Variants in NAV3 observed in about 807,000 individuals in gnomAD.
NAV3 encodes the protein pore membrane and/or filament interacting like protein 1.
Under a neutral mutation model 244.7 loss-of-function variants are expected in NAV3, and 87 were observed. The ratio of observed to expected loss-of-function variants is 0.36; its 90% CI spans 0.30 to 0.42. The LOEUF is 0.42. NAV3 is among the 20% of genes least tolerant of loss of function. The pLI is 1.00. For missense variants in NAV3, 2,663 were observed against 2,893.3 expected (o/e 0.92, Z 1.83); for synonymous variants, 1,126 against 1,042.2 (o/e 1.08, Z -1.55).
chr12:77,998,535 C>G, intron 7 of NAV3, 59 bp downstream of exon 7: 1 of 1,485,158 alleles, frequency 6.7e-7, no homozygotes, highest in South Asian at 1.4e-5. Flanking sequence ...GAATTGCATG[C>G]TAAATCTAAT....
chr12:77,691,129 G>A (rs1002838023), intron 2 of NAV3, among the ~76,000 whole-genome samples: 5 of 150,262 alleles, frequency 3.3e-5, no homozygotes, highest in Admixed American at 6.7e-5. Flanking sequence ...AGGTAACTAC[G>A]AAAATTATAA....
intron 38 of NAV3, 55 bp downstream of exon 38, chr12:78,200,646 A>T (rs1959563981): frequency 3.6e-6 from 4 of 1,113,722 alleles, no homozygotes; most frequent in Non-Finnish European, 5.0e-6. Context: ...AGCAAAAAAA[A>T]TTACTTTAAA....
intron 19 of NAV3, 143 bp from the exon 20 acceptor site, chr12:78,140,139 T>C: frequency 3.0e-6 from 2 of 669,566 alleles, no homozygotes; most frequent in Non-Finnish European, 5.1e-6. Context: ...CAAAAAATTA[T>C]AGCAGGCTGG....
At position 78,007,451 on chromosome 12, in the gene NAV3, G is replaced by T. The variant is rs1874432764; in HGVS notation, c.1907+6G>T. ...GTGGCACCATTCATTTACAGGTAAG[G>T]TGGCCTCTGTTTATCCACAGTTGTA... is the stretch of plus-strand genomic sequence containing the variant. On this transcript the variant is annotated splice_donor_region_variant and intron_variant, in intron 8 of 39. Transcript: ENST00000397909. 1 of 1,610,100 alleles carries T rather than the reference G, an allele frequency of 6.2e-7. No homozygotes were observed. Among genetic ancestry groups the T allele is most frequent in the East Asian group, 2.2e-5 (1 of 44,822 alleles).
intron 23 of NAV3, among the ~76,000 whole-genome samples, chr12:78,161,260 G>A (rs1338865726): frequency 6.6e-6 from 1 of 152,038 alleles, no homozygotes; most frequent in Non-Finnish European, 1.5e-5. Flanking sequence ...CATGTCACAT[G>A]CTAGGGGCTA....
rs138139728 is a variant in NAV3, at chr12:77,610,741, A to G, written c.72+38475A>G. ...TGTCCCCACAGCACTGAAAGAAGCAAAGTTCTGCTGAGTAGGCTGCAAATG... is the reference window on the plus strand; with the variant it reads ...TGTCCCCACAGCACTGAAAGAAGCAGAGTTCTGCTGAGTAGGCTGCAAATG... On this transcript the variant is annotated intron_variant, in intron 2 of 8. Transcript: ENST00000550042. Among the ~76,000 whole-genome samples, 379 of 152,134 alleles carry G rather than the reference A, an allele frequency of 2.5e-3. 4 individuals carry two copies. Among genetic ancestry groups the G allele is most frequent in the Admixed American group, 0.015 (222 of 15,234 alleles).
chr12:77,943,546 C>G (rs915577572), intron 3 of NAV3, among the ~76,000 whole-genome samples: 1 of 152,118 alleles, frequency 6.6e-6, no homozygotes, highest in Non-Finnish European at 1.5e-5. Context: ...TTTGTGTAAG[C>G]ACTATTAGTG....
At position 78,180,937 on chromosome 12, in the gene NAV3, C is replaced by A. The variant is rs757847311; in HGVS notation, c.5584C>A (p.Pro1862Thr). The change falls in exon 30 of 40, where the codon CCT becomes ACT. Residue 1862 changes from proline (P) to threonine (T), a missense_variant. Pro to Thr is a conservative substitution (Grantham distance 38). Around this residue, in one of 6 missense-constraint regions of NAV3, gnomAD observed 543 missense variants for 672.4 expected, o/e 0.81. Transcript: ENST00000397909. ...GGCAGAAACTGGTAACACAGCTAAG[C>A]CTACTCGGCCACCGTCAGAATCCTC... ...LKAETGNTAK[P>T]TRPPSESSSS... 6.2e-7 allele frequency: 1 copy of A among 1,613,048 alleles called. No individual in the cohort carries two copies. The highest frequency in any genetic ancestry group is 1.3e-5 in the African/African-American group (1 of 74,836).
chr12:78,168,858 C>T lies in NAV3; in HGVS notation c.4973C>T (p.Pro1658Leu), dbSNP rs773027090. The change falls in exon 24 of 40, where the codon CCT becomes CTT. Residue 1658 changes from proline (P) to leucine (L), a missense_variant. Physicochemically the swap from Pro to Leu is moderately conservative, Grantham distance 98. Coordinates refer to ENST00000397909, the MANE Select transcript of NAV3 (RefSeq NM_001024383.2). ...GGAGCACTGAATGGTCCAGACCATC[C>T]TCCCAAAGGTATATTTAGAAATCAT... ...IQGALNGPDHPPKDLRIRRQH... is the reference protein window; with the variant it reads ...IQGALNGPDHLPKDLRIRRQH... 1 of 1,594,766 alleles carries T rather than the reference C, an allele frequency of 6.3e-7. No individual in the cohort carries two copies. Among genetic ancestry groups the T allele is most frequent in the East Asian group, 2.2e-5 (1 of 44,616 alleles).
intron 23 of NAV3, among the ~76,000 whole-genome samples, chr12:78,167,803 A>G (rs1442441031): frequency 6.6e-6 from 1 of 151,646 alleles, no homozygotes; most frequent in Non-Finnish European, 1.5e-5. Context: ...ACCACCAAGA[A>G]GATACCCCTT....
intron 2 of NAV3, among the ~76,000 whole-genome samples, chr12:77,822,701 A>C (rs752605258): frequency 2.5e-4 from 38 of 152,088 alleles, no homozygotes; most frequent in Non-Finnish European, 3.4e-4. Context: ...ATTTTTTATT[A>C]TTTAAATTTC....
At chr12:78,070,206 A>G (rs910318257) in intron 12 of NAV3, among the ~76,000 whole-genome samples, 1 of 152,076 alleles carries the variant, frequency 6.6e-6, no homozygotes, top group Non-Finnish European at 1.5e-5. Context: ...CTTCTTGAAT[A>G]TTTGGTTGGT....
chr12:77,683,251 C>A (rs1440019795), intron 2 of NAV3, among the ~76,000 whole-genome samples: 1 of 152,106 alleles, frequency 6.6e-6, no homozygotes, highest in Non-Finnish European at 1.5e-5. Flanking sequence ...GTTTTCCAAG[C>A]ACCATTTATT....
At chr12:77,644,925 A>G (rs1440132711) in intron 2 of NAV3, among the ~76,000 whole-genome samples, 1 of 152,180 alleles carries the variant, frequency 6.6e-6, no homozygotes, top group Non-Finnish European at 1.5e-5. Context: ...AACCAGCACA[A>G]GTAAGCATAT....
chr12:78,206,527 G>A lies in NAV3; in HGVS notation c.7038+1389G>A, dbSNP rs1047317103. On this transcript the variant is annotated intron_variant, in intron 39 of 39. Coordinates refer to ENST00000397909, the MANE Select transcript of NAV3 (RefSeq NM_001024383.2). Reference sequence around the variant, plus strand: ...TTTGTTCTCAGTTTTAGTCTGTAGAGTATGAAACCCTTAGGAAATGCCCAC... The same window carrying A: ...TTTGTTCTCAGTTTTAGTCTGTAGAATATGAAACCCTTAGGAAATGCCCAC... 5.9e-5 allele frequency among the ~76,000 whole-genome samples: 9 copies of A among 152,212 alleles called. No individual in the cohort carries two copies. In the South Asian group the frequency reaches 8.3e-4, roughly 14 times the overall value.
chr12:77,636,483 A>T (rs1170473721), intron 2 of NAV3, among the ~76,000 whole-genome samples: 2 of 150,972 alleles, frequency 1.3e-5, no homozygotes, highest in Non-Finnish European at 3.0e-5. Flanking sequence ...AAAAAAAAAA[A>T]AGTTAGGAAA....
At chr12:78,064,201 A>G (rs1417569157) in intron 12 of NAV3, among the ~76,000 whole-genome samples, 1 of 152,116 alleles carries the variant, frequency 6.6e-6, no homozygotes, top group African/African-American at 2.4e-5. Context: ...GGCTGTCATA[A>G]CTAAATACCA....
chr12:77,636,793 T>C lies in NAV3; in HGVS notation c.72+64527T>C, dbSNP rs375008697. Among the ~76,000 whole-genome samples the C allele has an allele frequency of 3.0e-4, 46 of 151,662 alleles. 1 individual carries two copies. In the East Asian group the frequency reaches 8.1e-3, roughly 27 times the overall value. ...ATAAAGAAAATGTGGCACATATACATAGAGTACTATGCAGCCATGAAAAAG... is the reference window on the plus strand; with the variant it reads ...ATAAAGAAAATGTGGCACATATACACAGAGTACTATGCAGCCATGAAAAAG... On this transcript the variant is annotated intron_variant, in intron 2 of 8. Transcript: ENST00000550042.
intron 1 of NAV3, among the ~76,000 whole-genome samples, chr12:77,834,641 T>G (rs975401849): frequency 6.6e-6 from 1 of 152,210 alleles, no homozygotes; most frequent in African/African-American, 2.4e-5. Context: ...ATTTGAGCAC[T>G]ATAAGCACTG....
Sources: allele counts gnomAD v4.1 joint callset (sites outside exome capture counted in the v4.1 genomes callset), GRCh38; gene constraint gnomAD v4.1.1; regional missense constraint gnomAD v4.1.1; transcripts MANE v1.5; gene names NCBI Gene and HGNC (gene_info 2026-07-23, HGNC 2026-07-21).